SCHIP1: variants seen among roughly 807,000 people sequenced by gnomAD.
The protein encoded by SCHIP1 is schwannomin-interacting protein 1.
In SCHIP1, 8 loss-of-function variants were observed where a neutral mutation model predicts 29.7. The observed-to-expected ratio is 0.27, with a 90% CI of 0.16 to 0.49. The LOEUF (loss-of-function observed/expected upper bound fraction) is 0.49, where lower values mean the gene tolerates loss of function less well. SCHIP1 is among the 20% of genes least tolerant of loss of function. The probability of loss-of-function intolerance (pLI) is 0.99; values close to 1 mark genes in which losing one functional copy is unlikely to be tolerated. For missense variants in SCHIP1, 193 were observed against 294.6 expected (o/e 0.66, Z 2.52); for synonymous variants, 76 against 94.9 (o/e 0.80, Z 1.16).
the SCHIP1 span, among the ~76,000 whole-genome samples, chr3:159,711,394 A>AAAAAAAAAAAG: frequency 1.3e-5 from 1 of 77,682 alleles, no homozygotes; most frequent in Non-Finnish European, 2.1e-5. Flanking sequence ...AAAAAAAAAA[A>AAAAAAAAAAAG]AAAGAAATTT....
chr3:159,796,525 A>G, the SCHIP1 span, among the ~76,000 whole-genome samples: 1 of 152,160 alleles, frequency 6.6e-6, no homozygotes, highest in African/African-American at 2.4e-5. Context: ...GTAAAATGTG[A>G]ACATAGCGTG....
chr3:159,816,442 A>C, the SCHIP1 span, among the ~76,000 whole-genome samples: 2 of 151,308 alleles, frequency 1.3e-5, no homozygotes, highest in East Asian at 3.9e-4. Context: ...TGGCTTTTTA[A>C]AAATTAATTT....
chr3:159,858,746 T>C (rs1364580998), intron 1 of SCHIP1, among the ~76,000 whole-genome samples: 1 of 152,192 alleles, frequency 6.6e-6, no homozygotes, highest in African/African-American at 2.4e-5. Flanking sequence ...GTCCTTCCCC[T>C]TGGGTGCCCA....
chr3:159,821,566 C>T, the SCHIP1 span, among the ~76,000 whole-genome samples: 1 of 152,156 alleles, frequency 6.6e-6, no homozygotes, highest in Admixed American at 6.5e-5. Context: ...AATGCCTTTC[C>T]ATCTTAACTA....
the SCHIP1 span, among the ~76,000 whole-genome samples, chr3:159,356,217 A>G: frequency 6.6e-6 from 1 of 152,188 alleles, no homozygotes; most frequent in Non-Finnish European, 1.5e-5. Context: ...ATAAAAAAAA[A>G]AAGAAAAAAG....
At chr3:159,572,934 GTTT>G in the SCHIP1 span, among the ~76,000 whole-genome samples, 1,195 of 140,218 alleles carry the variant, frequency 8.5e-3, 14 homozygotes, top group African/African-American at 0.03. Context: ...GCAACCTCTG[GTTT>G]TTTTTTTTTT....
chr3:159,812,656 T>C, the SCHIP1 span, among the ~76,000 whole-genome samples: 1 of 152,242 alleles, frequency 6.6e-6, no homozygotes, highest in Non-Finnish European at 1.5e-5. Flanking sequence ...CTATTTTTGT[T>C]TATATTTTGT....
At chr3:159,890,370 T>C (rs1717388566) in intron 5 of SCHIP1, among the ~76,000 whole-genome samples, 1 of 152,152 alleles carries the variant, frequency 6.6e-6, no homozygotes, top group African/African-American at 2.4e-5. Flanking sequence ...AAAACAATTC[T>C]ATGCATTAAG....
chr3:159,720,226 C>T, the SCHIP1 span, among the ~76,000 whole-genome samples: 15 of 45,838 alleles, frequency 3.3e-4, no homozygotes, highest in Non-Finnish European at 4.6e-4. Context: ...CGGGGCCTAT[C>T]GTGGGGTGGG....
At chr3:159,477,053 T>C in the SCHIP1 span, among the ~76,000 whole-genome samples, 1 of 152,124 alleles carries the variant, frequency 6.6e-6, no homozygotes, top group African/African-American at 2.4e-5. Flanking sequence ...ATTCATCTCT[T>C]TGTGCCTTGA....
chr3:159,556,847 G>A, the SCHIP1 span, among the ~76,000 whole-genome samples: 1 of 150,516 alleles, frequency 6.6e-6, no homozygotes, highest in Non-Finnish European at 1.5e-5. Flanking sequence ...CAGCACACCA[G>A]CATGGCACAT....
At chr3:159,635,926 G>A in the SCHIP1 span, among the ~76,000 whole-genome samples, 2 of 152,110 alleles carry the variant, frequency 1.3e-5, no homozygotes, top group Non-Finnish European at 2.9e-5. Flanking sequence ...TATACGCCTT[G>A]TACTTTGTTA....
chr3:159,426,983 A>G, the SCHIP1 span, among the ~76,000 whole-genome samples: 1 of 152,236 alleles, frequency 6.6e-6, no homozygotes, highest in Non-Finnish European at 1.5e-5. Flanking sequence ...AAAATTCAAC[A>G]ATGCTTCATG....
At chr3:159,477,959 G>C in the SCHIP1 span, among the ~76,000 whole-genome samples, 5 of 116,734 alleles carry the variant, frequency 4.3e-5, no homozygotes, top group African/African-American at 1.7e-4. Flanking sequence ...GAATCTCACT[G>C]TCACCCAGGC....
chr3:159,838,750 C>T (rs1056835725), upstream of SCHIP1, among the ~76,000 whole-genome samples: 5 of 151,724 alleles, frequency 3.3e-5, no homozygotes, highest in African/African-American at 1.2e-4. Flanking sequence ...AAAAATTAGC[C>T]GGGCATGGTG....
chr3:159,416,689 T>G, the SCHIP1 span, among the ~76,000 whole-genome samples: 1 of 152,224 alleles, frequency 6.6e-6, no homozygotes, highest in Non-Finnish European at 1.5e-5. Flanking sequence ...ATTTCTACAT[T>G]TAAAATCTGG....
chr3:159,575,538 C>A, the SCHIP1 span, among the ~76,000 whole-genome samples: 1 of 152,090 alleles, frequency 6.6e-6, no homozygotes, highest in South Asian at 2.1e-4. Context: ...CAGGCTCAAG[C>A]GATCCTCCTA....
the SCHIP1 span, among the ~76,000 whole-genome samples, chr3:159,665,546 T>TTGTATGTGTGTGTGTGTGTGTGTGTG: frequency 1.4e-5 from 2 of 147,460 alleles, no homozygotes; most frequent in African/African-American, 5.0e-5. Context: ...GTTTTTGGGG[T>TTGTATGTGTGTGTGTGTGTGTGTGTG]TGTGTGTGTG....
chr3:159,678,773 G>GA, the SCHIP1 span, among the ~76,000 whole-genome samples: 76 of 152,336 alleles, frequency 5.0e-4, no homozygotes, highest in Middle Eastern at 3.4e-3. Flanking sequence ...GGAGGCCTCA[G>GA]AAAACTTACA....
Sources: gnomAD v4.1 joint callset for allele counts (sites outside exome capture counted in the v4.1 genomes callset) on GRCh38, gnomAD v4.1.1 for gene constraint, MANE v1.5 for transcripts, NCBI Gene and HGNC (gene_info 2026-07-23, HGNC 2026-07-21) for gene names.